Variants in SORBS2 observed in about 807,000 individuals in gnomAD.
SORBS2 encodes the protein sorbin and SH3 domain-containing protein 2.
Under a neutral mutation model 97.7 loss-of-function variants are expected in SORBS2, and 46 were observed. The observed-to-expected ratio is 0.47, with a 90% confidence interval of 0.37 to 0.60. SORBS2 has a LOEUF of 0.60. SORBS2 is among the 20% of genes least tolerant of loss of function. The pLI is 0.00. For synonymous variants in SORBS2, 476 were observed against 473.4 expected, an observed-to-expected ratio of 1.01 and a Z score of -0.07; for missense variants, 1,316 against 1,282.3, an observed-to-expected ratio of 1.03 and a Z score of -0.40.
intron 1 of SORBS2, among the ~76,000 whole-genome samples, chr4:185,876,053 G>A (rs1031647289): frequency 3.9e-5 from 6 of 152,110 alleles, no homozygotes; most frequent in African/African-American, 1.4e-4. Flanking sequence ...TTTGACGCGA[G>A]TGTAAAGTAC....
At chr4:185,726,328 G>A (rs1338072351) in intron 2 of SORBS2, among the ~76,000 whole-genome samples, 1 of 152,068 alleles carries the variant, frequency 6.6e-6, no homozygotes, top group Non-Finnish European at 1.5e-5. Flanking sequence ...TGTTATTTAT[G>A]TTGGTGTTTT....
chr4:185,873,418 C>G (rs1299730255), intron 1 of SORBS2, among the ~76,000 whole-genome samples: 1 of 152,136 alleles, frequency 6.6e-6, no homozygotes, highest in East Asian at 1.9e-4. Flanking sequence ...CAATACAAAT[C>G]CAGCAGGATA....
At chr4:185,945,220 G>A (rs1448949073) in intron 1 of SORBS2, among the ~76,000 whole-genome samples, 1 of 152,214 alleles carries the variant, frequency 6.6e-6, no homozygotes, top group Non-Finnish European at 1.5e-5. Flanking sequence ...TCAACTTGTT[G>A]ATACAGTAAC....
Position 185,694,706 on chromosome 4 carries a change from C to CTTTTTTTTTTTTTTTTTTTTTT in SORBS2, c.-197-15885_-197-15884insAAAAAAAAAAAAAAAAAAAAAA, listed in dbSNP as rs1200094039. Among the ~76,000 whole-genome samples the CTTTTTTTTTTTTTTTTTTTTTT allele has an allele frequency of 2.7e-4, 33 of 124,234 alleles. 7 individuals carry two copies. Among genetic ancestry groups the CTTTTTTTTTTTTTTTTTTTTTT allele is most frequent in the African/African-American group, 8.3e-4 (28 of 33,832 alleles). 81.5% of individuals were successfully genotyped at this position (124,234 alleles called of 152,430 possible). A position where few individuals can be genotyped will look rare whatever the true frequency, so the allele number is the denominator to read the frequency against. ...TTTCTTTTTCTTTTTCCTTTTCTTTCTTTTCTTTTCTTTTTTTTGAGACGG... is the reference window on the plus strand; with the variant it reads ...TTTCTTTTTCTTTTTCCTTTTCTTTCTTTTTTTTTTTTTTTTTTTTTTTTTTCTTTTCTTTTTTTTGAGACGG... On this transcript the variant is annotated intron_variant, in intron 2 of 20. Transcript: ENST00000284776.
At chr4:185,665,672 T>C in intron 4 of SORBS2, 1 of 803,364 alleles carries the variant, frequency 1.2e-6, no homozygotes, top group Non-Finnish European at 1.5e-6. Flanking sequence ...AAAAATGAGA[T>C]GGCACAACAA....
chr4:185,812,306 A>G (rs188288534), intron 1 of SORBS2, 112 bp from the exon 1 acceptor site: 5 of 152,366 alleles, frequency 3.3e-5, no homozygotes, highest in Admixed American at 1.3e-4. Context: ...AGACAGACTT[A>G]GCAAGCATGG....
At chr4:185,656,404 G>A (rs943192350) in intron 1 of SORBS2, among the ~76,000 whole-genome samples, 4 of 149,960 alleles carry the variant, frequency 2.7e-5, no homozygotes, top group East Asian at 2.0e-4. Context: ...ACACTTTATC[G>A]TTAGTTCTTT....
At chr4:185,602,713 A>G (rs1185383420) in intron 12 of SORBS2, among the ~76,000 whole-genome samples, 1 of 151,634 alleles carries the variant, frequency 6.6e-6, no homozygotes, top group Non-Finnish European at 1.5e-5. Context: ...CATTCTTGAA[A>G]TGGAAGAAAT....
At chr4:185,760,844 C>T (rs2153609967) in intron 2 of SORBS2, among the ~76,000 whole-genome samples, 1 of 152,340 alleles carries the variant, frequency 6.6e-6, no homozygotes, top group African/African-American at 2.4e-5. Context: ...AAGAATGTGA[C>T]TGAGGACAAG....
intron 12 of SORBS2, among the ~76,000 whole-genome samples, chr4:185,605,162 A>G (rs1300635871): frequency 6.6e-6 from 1 of 152,258 alleles, no homozygotes; most frequent in African/African-American, 2.4e-5. Context: ...TACAGGAACT[A>G]TGAAAGAATT....
chr4:185,787,357 G>A (rs2153641469), intron 1 of SORBS2, among the ~76,000 whole-genome samples: 1 of 152,282 alleles, frequency 6.6e-6, no homozygotes, highest in African/African-American at 2.4e-5. Context: ...AAACTGAACT[G>A]ATGCATTGGG....
intron 4 of SORBS2, among the ~76,000 whole-genome samples, chr4:185,669,041 C>T (rs1391645808): frequency 6.6e-6 from 1 of 152,246 alleles, no homozygotes; most frequent in African/African-American, 2.4e-5. Flanking sequence ...CACTGAGCTT[C>T]TTCGTCCAAA....
chr4:185,774,959 G>T (rs1051357267), intron 2 of SORBS2: 2 of 151,338 alleles, frequency 1.3e-5, no homozygotes, highest in Non-Finnish European at 2.9e-5. Context: ...CATTGCTCTG[G>T]CAATCAGGCT....
intron 1 of SORBS2, among the ~76,000 whole-genome samples, chr4:185,903,025 T>A (rs72709747): frequency 0.013 from 2,019 of 152,296 alleles, 27 homozygotes; most frequent in Non-Finnish European, 0.018. Flanking sequence ...AAGCACTGAT[T>A]CCATGGGGTG....
At chr4:185,929,037 T>C (rs918851417) in intron 1 of SORBS2, among the ~76,000 whole-genome samples, 12 of 152,214 alleles carry the variant, frequency 7.9e-5, no homozygotes, top group Non-Finnish European at 1.8e-4. Flanking sequence ...AGTTTGCAAC[T>C]CCTGGTTTAT....
chr4:185,901,261 T>C (rs1355598725), intron 1 of SORBS2, among the ~76,000 whole-genome samples: 18 of 152,076 alleles, frequency 1.2e-4, no homozygotes, highest in Non-Finnish European at 1.2e-4. Flanking sequence ...TGGAGTGCAA[T>C]GGCACAATCT....
intron 1 of SORBS2, among the ~76,000 whole-genome samples, chr4:185,924,558 G>A (rs1363291606): frequency 6.6e-6 from 1 of 152,184 alleles, no homozygotes; most frequent in Non-Finnish European, 1.5e-5. Flanking sequence ...GCCCACAAGT[G>A]CCTGGCAACA....
At chr4:185,838,813 C>T (rs529572490) in intron 1 of SORBS2, among the ~76,000 whole-genome samples, 1 of 152,300 alleles carries the variant, frequency 6.6e-6, no homozygotes, top group Admixed American at 6.5e-5. Context: ...CCAGATTTCA[C>T]TCTCACCACT....
intron 1 of SORBS2, among the ~76,000 whole-genome samples, chr4:185,814,498 A>C (rs2099192066): frequency 6.6e-6 from 1 of 152,160 alleles, no homozygotes; most frequent in Non-Finnish European, 1.5e-5. Context: ...CTGTGATCAC[A>C]TGACTGCATT....
Sources: allele counts gnomAD v4.1 joint callset (sites outside exome capture counted in the v4.1 genomes callset), GRCh38; gene constraint gnomAD v4.1.1; transcripts MANE v1.5; gene names NCBI Gene and HGNC (gene_info 2026-07-23, HGNC 2026-07-21).